The following SYMPK variants were observed in gnomAD, a reference collection of about 807,000 sequenced individuals.
The protein encoded by SYMPK is symplekin.
In SYMPK, 49 loss-of-function variants were observed where a neutral mutation model predicts 136.4. The observed-to-expected ratio is 0.36, with a 90% confidence interval of 0.29 to 0.46. SYMPK has a LOEUF of 0.46. Ranked by LOEUF, SYMPK falls within the 20% of genes least tolerant of loss-of-function variation. The pLI, the probability that SYMPK is intolerant of heterozygous loss-of-function variation, is 1.00. For synonymous variants in SYMPK, 766 were observed against 713.0 expected (o/e 1.07, Z -1.19); for missense variants, 1,365 against 1,690.0 (o/e 0.81, Z 3.37).
At chr19:45,823,532 G>T (rs1399989773) in intron 19 of SYMPK, 60 bp from the exon 20 acceptor site, 11 of 1,519,648 alleles carry the variant, frequency 7.2e-6, no homozygotes, top group Non-Finnish European at 1.0e-5. Flanking sequence ...GGAAAGGGTG[G>T]GCACCCAGGA....
rs1308192914 is a variant in SYMPK at position 45,829,151 on chromosome 19, C to T, written c.1804G>A (p.Ala602Thr). The T allele has an allele frequency of 6.2e-7, 1 of 1,614,206 alleles. No individual in the cohort carries two copies. Among genetic ancestry groups the T allele is most frequent in the South Asian group, 1.1e-5 (1 of 91,084 alleles). The change falls in exon 14 of 27, where the codon GCG becomes ACG. Residue 602 changes from alanine to threonine, a missense_variant. By Grantham distance (58) the Ala-to-Thr change is moderately conservative. This residue lies in a region of SYMPK where 303 missense variants were observed against 326.6 expected (regional missense o/e 0.93). Coordinates refer to ENST00000245934, the MANE Select transcript of SYMPK (RefSeq NM_004819.3). ...TCCAGGATGAAGGACAGGACCTCCG[C>T]CTTCAGGCCCGAGTTGAACTGTGTC... ...LVTQFNSGLK[A>T]EVLSFILEDV...
chr19:45,851,765 T>C (rs1971700871), intron 5 of SYMPK, among the ~76,000 whole-genome samples: 1 of 151,708 alleles, frequency 6.6e-6, no homozygotes, highest in Non-Finnish European at 1.5e-5. Context: ...TCCCAGCTAC[T>C]TGGGAGGCTG....
At chr19:45,844,272 A>C in intron 7 of SYMPK, 72 bp from the exon 8 acceptor site, 1 of 1,309,014 alleles carries the variant, frequency 7.6e-7, no homozygotes, top group Non-Finnish European at 1.0e-6. Flanking sequence ...AGCTTTTGGG[A>C]CTAAAAGGAA....
At chr19:45,823,312 T>C in intron 20 of SYMPK, 60 bp downstream of exon 20, 2 of 1,539,636 alleles carry the variant, frequency 1.3e-6, no homozygotes, top group South Asian at 1.1e-5. Context: ...CGTGCTGCCC[T>C]GCCCCTCCCA....
chr19:45,821,036 CCACT>C lies in SYMPK; in HGVS notation c.2893+344_2893+347del, dbSNP rs1336335656. On this transcript the variant is annotated intron_variant, in intron 22 of 26. Transcript: ENST00000245934. The surrounding 1 kb of genome is among the most constrained non-coding windows in gnomAD (Gnocchi z 4.4). ...GGTCTGCCCTGCTGCTGCGCCTCTA[CCACT>C]CACGGTGTGCCCTGCTTCCTTCTGT... The C allele has an allele frequency of 9.8e-6, 6 of 609,900 alleles. No homozygotes were observed. The highest frequency in any genetic ancestry group is 1.8e-5 in the Non-Finnish European group (6 of 342,684). 37.8% of individuals were successfully genotyped at this position (609,900 alleles called of 1,614,324 possible).
chr19:45,818,211 C>A, intron 22 of SYMPK, 65 bp from the exon 23 acceptor site: 1 of 1,452,414 alleles, frequency 6.9e-7, no homozygotes, highest in Non-Finnish European at 9.2e-7. Context: ...GTGGGAGTCC[C>A]GGCCTCTGCT....
rs770624515 is a variant in SYMPK, at chr19:45,831,601, C to G, written c.1394-13G>C. On this transcript the variant is annotated splice_polypyrimidine_tract_variant and intron_variant, in intron 11 of 26. Transcript: ENST00000245934. ...GTCTGCTCTACACCTGAGGGGGAGG[C>G]AGCAAACAGACACCCAGTGCGTCAG... 66 of 1,568,684 alleles carry G rather than the reference C, an allele frequency of 4.2e-5. No homozygotes were observed. The highest frequency in any genetic ancestry group is 5.1e-5 in the Non-Finnish European group (59 of 1,156,110).
chr19:45,843,963 AAAAAAAAG>A (rs1971503395), intron 8 of SYMPK, 59 bp downstream of exon 8: 2 of 1,065,328 alleles, frequency 1.9e-6, no homozygotes, highest in African/African-American at 1.7e-5. Context: ...AAAAAAAAAA[AAAAAAAAG>A]AAAGAGCAGA....
rs571003210 is a variant in SYMPK at position 45,821,029 on chromosome 19, G to C, written c.2893+355C>G. The C allele has an allele frequency of 3.1e-4, 189 of 606,378 alleles. 1 individual carries two copies. The African/African-American group carries it at 3.2e-3, about 10-fold the overall frequency. The allele number at this position is 606,378 out of a possible 1,614,324, so 37.6% of individuals were successfully genotyped here. On this transcript the variant is annotated intron_variant, in intron 22 of 26. Coordinates refer to ENST00000245934, the MANE Select transcript of SYMPK (RefSeq NM_004819.3). This position sits in a 1 kb window ranked among gnomAD's most constrained non-coding sequence, Gnocchi z 4.4. Reference sequence around the variant, plus strand: ...AGCCCTGGGTCTGCCCTGCTGCTGCGCCTCTACCACTCACGGTGTGCCCTG... The same window carrying C: ...AGCCCTGGGTCTGCCCTGCTGCTGCCCCTCTACCACTCACGGTGTGCCCTG...
At chr19:45,830,669 C>G (rs1245064040) in intron 12 of SYMPK, 2 of 154,304 alleles carry the variant, frequency 1.3e-5, no homozygotes, top group Admixed American at 1.3e-4. Flanking sequence ...GCAGGCGGAT[C>G]ACGAGGTCAG....
chr19:45,837,019 T>C (rs868313194), intron 10 of SYMPK, among the ~76,000 whole-genome samples: 1 of 152,068 alleles, frequency 6.6e-6, no homozygotes, highest in African/African-American at 2.4e-5. Context: ...AACTAAAGAT[T>C]AATGAGCCAA....
rs1399650720 is a variant in SYMPK at position 45,852,677 on chromosome 19, T to C, written c.172-142A>G. 7.9e-6 allele frequency: 8 copies of C among 1,017,246 alleles called. No homozygotes were observed. The East Asian group carries it at 1.5e-4, about 19-fold the overall frequency. The allele number at this position is 1,017,246 out of a possible 1,614,324, so 63.0% of individuals were successfully genotyped here. A position where few individuals can be genotyped will look rare whatever the true frequency, so the allele number is the denominator to read the frequency against. ...TTCAATGCCTGGCTCTGCTTCTCCC[T>C]ACCAAGGGTGCTATGCTCTGGGCAT... On this transcript the variant is annotated intron_variant, in intron 3 of 26. Transcript: ENST00000245934.
intron 6 of SYMPK, 48 bp from the exon 7 acceptor site, chr19:45,848,049 G>A (rs775429812): frequency 1.3e-6 from 2 of 1,535,846 alleles, no homozygotes; most frequent in Non-Finnish European, 1.8e-6. Context: ...AAGAGGTGAA[G>A]ACAACGCATC....
intron 9 of SYMPK, among the ~76,000 whole-genome samples, 192 bp from the exon 10 acceptor site, chr19:45,838,807 G>A (rs879479836): frequency 2.0e-4 from 31 of 152,156 alleles, no homozygotes; most frequent in Admixed American, 1.5e-3. Context: ...TACCTGACTC[G>A]TTCTGAACCT....
rs921286975 is a variant in SYMPK at position 45,830,141 on chromosome 19, G to C, written c.1662C>G (p.Thr554=). ...GCTTCATGGCTTCCACCTGGGCATC[G>C]GTAAGGGGCTTCAGCACGTCGCTGA... ...FRLSDVLKPL[T]DAQVEAMKLG... is the part of the protein sequence containing the mutation. Residue 554 remains threonine, a synonymous_variant, in exon 13 of 27, where the codon ACC becomes ACG. Transcript: ENST00000245934. The C allele has an allele frequency of 3.1e-6, 5 of 1,604,312 alleles. No homozygotes were observed. The highest frequency in any genetic ancestry group is 3.3e-4 in the Middle Eastern group (2 of 6,070).
Position 45,829,142 on chromosome 19 carries a change from G to A in SYMPK, c.1813C>T (p.Leu605=). ...QFNSGLKAEV[L]SFILEDVRAR... ...CGCACATCCTCCAGGATGAAGGACA[G>A]GACCTCCGCCTTCAGGCCCGAGTTG... Residue 605 remains leucine, a synonymous_variant, in exon 14 of 27, where the codon CTG becomes TTG. Coordinates refer to ENST00000245934, the MANE Select transcript of SYMPK (RefSeq NM_004819.3). 3 of 1,614,104 alleles carry A rather than the reference G, an allele frequency of 1.9e-6. No homozygotes were observed. Among genetic ancestry groups the A allele is most frequent in the East Asian group, 4.5e-5 (2 of 44,900 alleles).
In SYMPK at chr19:45,862,034, CAAAA is replaced by C. The variant is rs34763252; in HGVS notation, c.-13+1020_-13+1023del. 4 of 118,998 alleles carry C rather than the reference CAAAA, an allele frequency of 3.4e-5. No individual in the cohort carries two copies. The East Asian group carries it at 7.5e-4, about 22-fold the overall frequency. The allele number at this position is 118,998 out of a possible 1,614,324, so 7.4% of individuals were successfully genotyped here. ...TGGGCGACAGAGTGAGACCCTGTCT[CAAAA>C]AAAAAAAAAAAGAAAAAGCATATAC... On this transcript the variant is annotated intron_variant, in intron 1 of 26. Transcript: ENST00000245934.
chr19:45,824,947 C>T (rs967046311), intron 18 of SYMPK, among the ~76,000 whole-genome samples: 2 of 152,182 alleles, frequency 1.3e-5, no homozygotes, highest in African/African-American at 2.4e-5. Context: ...GAAGTGAACG[C>T]GAACCCAGGT....
In SYMPK at chr19:45,825,346, G is replaced by A. The variant is rs1322636351; in HGVS notation, c.2330-15C>T. Reference sequence around the variant, plus strand: ...TGCTGCCACCTCTGACAGGGCAGGAGCGGGCATCAGATTGGCCCACACTCT... The same window carrying A: ...TGCTGCCACCTCTGACAGGGCAGGAACGGGCATCAGATTGGCCCACACTCT... On this transcript the variant is annotated splice_polypyrimidine_tract_variant and intron_variant, in intron 17 of 26. Transcript: ENST00000245934. 1 of 1,611,626 alleles carries A rather than the reference G, an allele frequency of 6.2e-7. No individual in the cohort carries two copies. The highest frequency in any genetic ancestry group is 8.5e-7 in the Non-Finnish European group (1 of 1,178,688).
Sources: gnomAD v4.1 joint callset for allele counts (sites outside exome capture counted in the v4.1 genomes callset) on GRCh38, gnomAD v4.1.1 for gene constraint, gnomAD v4.1.1 regional missense constraint, Gnocchi (gnomAD v3.1) non-coding constraint, MANE v1.5 for transcripts, NCBI Gene and HGNC (gene_info 2026-07-23, HGNC 2026-07-21) for gene names.